SIK3: variants seen among roughly 807,000 people sequenced by gnomAD.
SIK3 encodes the protein serine/threonine-protein kinase SIK3.
A neutral mutation model predicts 144.2 loss-of-function variants in SIK3; 28 were observed. That is an observed-to-expected ratio of 0.19 (90% CI 0.14 to 0.27). The LOEUF is 0.27. Ranked by LOEUF, SIK3 falls within the 10% of genes least tolerant of loss-of-function variation. The probability of loss-of-function intolerance (pLI) is 1.00; values close to 1 mark genes in which losing one functional copy is unlikely to be tolerated. For synonymous variants in SIK3, 686 were observed against 676.3 expected, an observed-to-expected ratio of 1.01 and a Z score of -0.22; for missense variants, 1,319 against 1,776.0, an observed-to-expected ratio of 0.74 and a Z score of 4.62.
At chr11:117,095,716 C>T (rs1186776290) in intron 1 of SIK3, among the ~76,000 whole-genome samples, 3 of 152,198 alleles carry the variant, frequency 2.0e-5, no homozygotes, top group Non-Finnish European at 4.4e-5. Flanking sequence ...TCACCCAGAG[C>T]ACGTGACAAC....
chr11:116,910,225 A>G (rs1007306681), intron 4 of SIK3, among the ~76,000 whole-genome samples: 7 of 152,164 alleles, frequency 4.6e-5, no homozygotes, highest in Admixed American at 6.5e-5. Flanking sequence ...AGTTCTAACA[A>G]GAGCTGTTAA....
chr11:117,018,715 TATTTA>T (rs1235953466), intron 1 of SIK3, among the ~76,000 whole-genome samples: 3 of 113,342 alleles, frequency 2.6e-5, no homozygotes, highest in Non-Finnish European at 1.8e-5. Flanking sequence ...TATTTTATTT[TATTTA>T]TTTTTTTTTT....
In SIK3 at chr11:116,889,559, C is replaced by T. The variant is rs575458306; in HGVS notation, c.865+6694G>A. On this transcript the variant is annotated intron_variant, in intron 6 of 24. Coordinates refer to ENST00000445177, the MANE Select transcript of SIK3 (RefSeq NM_001366686.3). ...TCTAGCTTAGGTGACAGAGCAAGAC[C>T]CTGTCGCCAAAAATATAAAAACTGA... 2.0e-5 allele frequency among the ~76,000 whole-genome samples: 3 copies of T among 151,978 alleles called. No homozygotes were observed. In the South Asian group the frequency reaches 6.2e-4, roughly 32 times the overall value.
intron 1 of SIK3, among the ~76,000 whole-genome samples, chr11:117,063,803 G>A (rs1451630005): frequency 6.6e-6 from 1 of 151,894 alleles, no homozygotes; most frequent in Non-Finnish European, 1.5e-5. Flanking sequence ...CTGATCTCAA[G>A]TGATTCGCCC....
At chr11:117,091,418 CTGG>C (rs1350641720) in intron 1 of SIK3, among the ~76,000 whole-genome samples, 1 of 151,934 alleles carries the variant, frequency 6.6e-6, no homozygotes, top group African/African-American at 2.4e-5. Flanking sequence ...GTTAGCCAGG[CTGG>C]TCTCGAACTC....
At chr11:117,034,674 G>A (rs1271797008) in intron 1 of SIK3, among the ~76,000 whole-genome samples, 1 of 152,156 alleles carries the variant, frequency 6.6e-6, no homozygotes, top group East Asian at 1.9e-4. Flanking sequence ...ATGTTAAGAA[G>A]ATGCCAGCAC....
At chr11:116,927,157 C>T in intron 4 of SIK3, 62 bp downstream of exon 4, 1 of 1,250,838 alleles carries the variant, frequency 8.0e-7, no homozygotes, top group Non-Finnish European at 1.1e-6. Flanking sequence ...TAATCCCTTG[C>T]TTATAGAACC....
intron 1 of SIK3, among the ~76,000 whole-genome samples, chr11:116,965,881 G>C (rs1423428632): frequency 6.7e-6 from 1 of 149,486 alleles, no homozygotes; most frequent in Non-Finnish European, 1.5e-5. Flanking sequence ...GTTGCAGTGA[G>C]CCGAGATGAC....
chr11:117,069,416 C>G (rs1372580172), intron 1 of SIK3, among the ~76,000 whole-genome samples: 1 of 152,082 alleles, frequency 6.6e-6, no homozygotes, highest in Non-Finnish European at 1.5e-5. Flanking sequence ...AAGGTAAGTA[C>G]TTTTTGTCTG....
At chr11:116,883,991 T>C (rs983102393) in intron 6 of SIK3, among the ~76,000 whole-genome samples, 5 of 152,058 alleles carry the variant, frequency 3.3e-5, no homozygotes, top group African/African-American at 9.7e-5. Context: ...TGCTAACCTA[T>C]AGATACATTC....
intron 6 of SIK3, 21 bp from the exon 7 acceptor site, chr11:116,877,063 G>A (rs750767647): frequency 4.6e-5 from 74 of 1,607,482 alleles, no homozygotes; most frequent in Non-Finnish European, 6.3e-5. Context: ...CAAACAGCCT[G>A]CCTTCAGTCT....
At chr11:116,876,770 A>G (rs974472337) in intron 7 of SIK3, among the ~76,000 whole-genome samples, 154 bp downstream of exon 7, 3 of 152,216 alleles carry the variant, frequency 2.0e-5, no homozygotes, top group African/African-American at 4.8e-5. Flanking sequence ...CTGGTTTTAC[A>G]TTCCTTCTTG....
rs955334743 is a variant in SIK3, at chr11:116,990,109, G to A, written c.274-33045C>T. On this transcript the variant is annotated intron_variant, in intron 1 of 24. Coordinates refer to ENST00000445177, the MANE Select transcript of SIK3 (RefSeq NM_001366686.3). The stretch of plus-strand genomic sequence containing the variant: ...CAGCAGGCCATTCTGTATTTCAGCG[G>A]GGTCGTCATATAAAGAAAAGGCTAT... 2.0e-5 allele frequency among the ~76,000 whole-genome samples: 3 copies of A among 152,138 alleles called. No individual in the cohort carries two copies. In the South Asian group the frequency reaches 6.2e-4, roughly 31 times the overall value.
At chr11:117,082,501 A>T (rs1370977993) in intron 1 of SIK3, among the ~76,000 whole-genome samples, 1 of 152,236 alleles carries the variant, frequency 6.6e-6, no homozygotes, top group Non-Finnish European at 1.5e-5. Context: ...TGAAGGCATT[A>T]CACCAAGTGA....
intron 1 of SIK3, among the ~76,000 whole-genome samples, chr11:116,967,503 T>C (rs75296049): frequency 0.025 from 3,751 of 152,324 alleles, 85 homozygotes; most frequent in South Asian, 0.11. Flanking sequence ...CAAGGACTAA[T>C]AACACAGTCT....
intron 1 of SIK3, among the ~76,000 whole-genome samples, chr11:116,988,654 C>A (rs1950403404): frequency 6.6e-6 from 1 of 151,724 alleles, no homozygotes; most frequent in Non-Finnish European, 1.5e-5. Context: ...ATTAGCCAAG[C>A]ATATTAATGT....
chr11:116,862,845 G>A (rs923272205), intron 16 of SIK3, among the ~76,000 whole-genome samples: 12 of 152,096 alleles, frequency 7.9e-5, no homozygotes, highest in African/African-American at 2.4e-4. Flanking sequence ...AGGCCGAGAC[G>A]GGCGGATCAC....
chr11:117,029,889 T>C (rs1046433385), intron 1 of SIK3, among the ~76,000 whole-genome samples: 2 of 151,578 alleles, frequency 1.3e-5, no homozygotes, highest in Admixed American at 6.6e-5. Context: ...AGATATGGGA[T>C]TTAGGAGTCA....
intron 6 of SIK3, among the ~76,000 whole-genome samples, chr11:116,895,103 CTAGGCCCTAAAAT>C (rs1277494926): frequency 6.6e-6 from 1 of 152,192 alleles, no homozygotes; most frequent in Non-Finnish European, 1.5e-5. Context: ...TTTACATTAA[CTAGGCCCTAAAAT>C]TAAGCTCCCT....
Sources: allele counts gnomAD v4.1 joint callset (sites outside exome capture counted in the v4.1 genomes callset), GRCh38; gene constraint gnomAD v4.1.1; transcripts MANE v1.5; gene names NCBI Gene and HGNC (gene_info 2026-07-23, HGNC 2026-07-21).